The following LY86 variants were observed in gnomAD, a reference collection of about 807,000 sequenced individuals.
The protein encoded by LY86 is lymphocyte antigen 86.
In LY86, 20 loss-of-function variants were observed where a neutral mutation model predicts 17.3. That is an observed-to-expected ratio of 1.15 (90% confidence interval 0.81 to 1.68). The LOEUF is 1.68. Ranked by LOEUF, LY86 falls within the 40% of genes most tolerant of loss-of-function variation. The pLI is 0.00. For missense variants in LY86, 200 were observed against 191.9 expected, an observed-to-expected ratio of 1.04 and a Z score of -0.25; for synonymous variants, 74 against 70.6, an observed-to-expected ratio of 1.05 and a Z score of -0.24.
intron 1 of LY86, among the ~76,000 whole-genome samples, chr6:6,606,696 G>GCTTGCGGGCGGACCTGCAGCA (rs1561780636): frequency 6.6e-6 from 1 of 152,228 alleles, no homozygotes; most frequent in African/African-American, 2.4e-5. Flanking sequence ...ACTACCCGGG[G>GCTTGCGGGCGGACCTGCAGCA]CTTGCGGGCG....
chr6:6,607,797 G>A (rs1368190337), intron 1 of LY86, among the ~76,000 whole-genome samples: 1 of 152,076 alleles, frequency 6.6e-6, no homozygotes, highest in Non-Finnish European at 1.5e-5. Flanking sequence ...CTACTCGGGA[G>A]GTTGAGGCAG....
At chr6:6,612,479 C>T (rs865931970) in intron 1 of LY86, among the ~76,000 whole-genome samples, 22 of 152,032 alleles carry the variant, frequency 1.4e-4, no homozygotes, top group Admixed American at 4.6e-4. Flanking sequence ...CAATGCAGAC[C>T]CAAAGTGTAA....
At chr6:6,594,334 TC>T (rs1760632187) in intron 1 of LY86, among the ~76,000 whole-genome samples, 1 of 152,222 alleles carries the variant, frequency 6.6e-6, no homozygotes, top group Admixed American at 6.5e-5. Context: ...GTTAAAGAAT[TC>T]AAAAGAAGAA....
At chr6:6,605,678 C>T (rs114656464) in intron 1 of LY86, among the ~76,000 whole-genome samples, 1 of 152,258 alleles carries the variant, frequency 6.6e-6, no homozygotes, top group South Asian at 2.1e-4. Flanking sequence ...ATGGGTTCTT[C>T]ATCTCACGGA....
intron 3 of LY86, among the ~76,000 whole-genome samples, chr6:6,637,117 A>G (rs1397609434): frequency 1.4e-5 from 2 of 147,708 alleles, no homozygotes; most frequent in Non-Finnish European, 3.0e-5. Context: ...GGTTCATGCC[A>G]TTCTCCTGCC....
At chr6:6,622,561 G>A (rs1258579405) in intron 1 of LY86, 1 of 152,124 alleles carries the variant, frequency 6.6e-6, no homozygotes, top group Non-Finnish European at 1.5e-5. Flanking sequence ...AAGACAAAAG[G>A]GCTCTTTCCC....
chr6:6,603,632 A>AACACACACACACACACAC (rs540840468), intron 1 of LY86, among the ~76,000 whole-genome samples: 28 of 135,868 alleles, frequency 2.1e-4, no homozygotes, highest in African/African-American at 6.9e-4. Context: ...AAAAAAACAA[A>AACACACACACACACACAC]ACACACACAC....
chr6:6,593,890 C>A, intron 1 of LY86, among the ~76,000 whole-genome samples: 1 of 152,234 alleles, frequency 6.6e-6, no homozygotes, highest in East Asian at 1.9e-4. Flanking sequence ...AGGGCCAAGG[C>A]AGAATCCTCC....
chr6:6,601,159 G>A lies in LY86; in HGVS notation c.136+12289G>A, dbSNP rs564652777. Among the ~76,000 whole-genome samples the A allele has an allele frequency of 1.6e-4, 25 of 152,004 alleles. 1 individual carries two copies. The South Asian group carries it at 5.0e-3, about 30-fold the overall frequency. On this transcript the variant is annotated intron_variant, in intron 1 of 4. Coordinates refer to ENST00000230568, the MANE Select transcript of LY86 (RefSeq NM_004271.4). ...AGTCAATAACAAAAACAATGAACAG[G>A]AGACTCTTACGTAAATACTACCTGA...
At chr6:6,622,380 A>G (rs916271665) in intron 1 of LY86, among the ~76,000 whole-genome samples, 1 of 152,194 alleles carries the variant, frequency 6.6e-6, no homozygotes, top group Non-Finnish European at 1.5e-5. Flanking sequence ...TTTATCCACA[A>G]TTTTGAGGAT....
At chr6:6,606,895 G>A (rs1347710774) in intron 1 of LY86, among the ~76,000 whole-genome samples, 2 of 152,264 alleles carry the variant, frequency 1.3e-5, no homozygotes, top group African/African-American at 4.8e-5. Flanking sequence ...CAGGCTGAAG[G>A]GCACCTCAAG....
chr6:6,605,919 C>T (rs1045269407), intron 1 of LY86, among the ~76,000 whole-genome samples: 4 of 152,164 alleles, frequency 2.6e-5, no homozygotes, highest in African/African-American at 9.7e-5. Flanking sequence ...AGGAATGAAG[C>T]TGCAGACCTT....
At chr6:6,605,513 G>A (rs1368199726) in intron 1 of LY86, among the ~76,000 whole-genome samples, 2 of 152,222 alleles carry the variant, frequency 1.3e-5, no homozygotes, top group Non-Finnish European at 2.9e-5. Flanking sequence ...CTTGCCATGG[G>A]GGGTCTCCCC....
At chr6:6,653,455 C>T (rs1217388408) in intron 4 of LY86, among the ~76,000 whole-genome samples, 2 of 152,196 alleles carry the variant, frequency 1.3e-5, no homozygotes, top group Non-Finnish European at 2.9e-5. Flanking sequence ...AGATTCGTGT[C>T]TACAAACACA....
chr6:6,609,320 G>A (rs968228263), intron 1 of LY86, among the ~76,000 whole-genome samples: 9 of 152,192 alleles, frequency 5.9e-5, no homozygotes, highest in African/African-American at 2.2e-4. Flanking sequence ...AAGAAATGGC[G>A]AATTGGCTTT....
chr6:6,633,075 A>G (rs1053315625), intron 3 of LY86, among the ~76,000 whole-genome samples: 5 of 152,236 alleles, frequency 3.3e-5, no homozygotes, highest in African/African-American at 1.2e-4. Flanking sequence ...CACGTCAGGA[A>G]GATGAAAGTG....
intron 4 of LY86, among the ~76,000 whole-genome samples, chr6:6,653,611 G>A (rs2113170361): frequency 6.6e-6 from 1 of 152,312 alleles, no homozygotes; most frequent in South Asian, 2.1e-4. Context: ...TCCTTACAGT[G>A]TTGCTGCCAG....
In LY86 at chr6:6,626,345, A is replaced by G. The variant is rs773120062; in HGVS notation, c.276A>G (p.Ser92=). The part of the protein sequence containing the change: ...FLDLALMSQG[S]SVLNFSYPIC... ...ACCTAGCTCTCATGTCTCAAGGCTCATCTGTTTTGAATTTCTCCTATCCCA... is the reference window on the plus strand; with the variant it reads ...ACCTAGCTCTCATGTCTCAAGGCTCGTCTGTTTTGAATTTCTCCTATCCCA... The change falls in exon 3 of 5, where the codon TCA becomes TCG. Residue 92 remains serine, a synonymous_variant. Transcript: ENST00000230568. 3.3e-5 allele frequency: 54 copies of G among 1,613,934 alleles called. No individual in the cohort carries two copies. Among genetic ancestry groups the G allele is most frequent in the Non-Finnish European group, 3.6e-5 (42 of 1,179,988 alleles).
At chr6:6,598,045 G>A (rs928942969) in intron 1 of LY86, among the ~76,000 whole-genome samples, 3 of 152,180 alleles carry the variant, frequency 2.0e-5, no homozygotes, top group Non-Finnish European at 2.9e-5. Flanking sequence ...GGGCCTCTCT[G>A]TGTGCTTTAG....
Sources: allele counts gnomAD v4.1 joint callset (sites outside exome capture counted in the v4.1 genomes callset), GRCh38; gene constraint gnomAD v4.1.1; transcripts MANE v1.5; gene names NCBI Gene and HGNC (gene_info 2026-07-23, HGNC 2026-07-21).